TENM2: variants seen among roughly 807,000 people sequenced by gnomAD.
TENM2 encodes the protein teneurin transmembrane protein 2, also known as teneurin-2.
In TENM2, 52 loss-of-function variants were observed where a neutral mutation model predicts 245.2. The observed-to-expected ratio is 0.21, with a 90% CI of 0.17 to 0.27. TENM2 has a LOEUF of 0.27. Among genes scored for constraint, TENM2 ranks in the 10% least tolerant of loss-of-function variants. The pLI is 1.00. For synonymous variants in TENM2, 1,363 were observed against 1,438.9 expected (o/e 0.95, Z 1.19); for missense variants, 3,046 against 3,666.8 (o/e 0.83, Z 4.37).
chr5:167,079,333 GA>G, the TENM2 span, among the ~76,000 whole-genome samples: 1 of 148,798 alleles, frequency 6.7e-6, no homozygotes, highest in Admixed American at 6.7e-5. Flanking sequence ...ATATATTTGA[GA>G]CAGAGTTTTG....
intron 3 of TENM2, among the ~76,000 whole-genome samples, chr5:167,903,817 T>A (rs1365346493): frequency 1.3e-5 from 2 of 152,200 alleles, no homozygotes; most frequent in African/African-American, 4.8e-5. Context: ...AGCACATCAA[T>A]GTTGGCTAAG....
At chr5:167,946,686 G>A (rs1779652520) in intron 3 of TENM2, among the ~76,000 whole-genome samples, 1 of 152,124 alleles carries the variant, frequency 6.6e-6, no homozygotes, top group South Asian at 2.1e-4. Context: ...CAGCTGGGAG[G>A]GGAAGAGACC....
At chr5:167,508,786 C>T (rs1044425540) in intron 2 of TENM2, among the ~76,000 whole-genome samples, 2 of 152,034 alleles carry the variant, frequency 1.3e-5, no homozygotes, top group African/African-American at 2.4e-5. Context: ...TAATTAGAAC[C>T]TCAAGCTCAA....
At chr5:167,035,966 C>T in the TENM2 span, among the ~76,000 whole-genome samples, 3 of 152,338 alleles carry the variant, frequency 2.0e-5, no homozygotes. Context: ...TGGTCTCAAA[C>T]TCCTGACCTC....
chr5:168,055,691 G>A (rs1010479934), intron 6 of TENM2, among the ~76,000 whole-genome samples: 2 of 151,954 alleles, frequency 1.3e-5, no homozygotes, highest in Non-Finnish European at 2.9e-5. Context: ...CCCCGCAACT[G>A]AAAAAAAGTA....
At chr5:167,351,888 G>C (rs923892750) in intron 1 of TENM2, among the ~76,000 whole-genome samples, 2 of 151,942 alleles carry the variant, frequency 1.3e-5, no homozygotes, top group Non-Finnish European at 2.9e-5. Context: ...TCAAACCACT[G>C]GATGAAATTG....
chr5:167,508,479 G>A (rs2127565839), intron 2 of TENM2, among the ~76,000 whole-genome samples: 1 of 152,238 alleles, frequency 6.6e-6, no homozygotes, highest in South Asian at 2.1e-4. Flanking sequence ...AGATCCTGAT[G>A]GCTCCACATA....
chr5:167,727,367 C>T (rs932205435), intron 2 of TENM2, among the ~76,000 whole-genome samples: 4 of 152,208 alleles, frequency 2.6e-5, no homozygotes, highest in African/African-American at 9.6e-5. Context: ...CCGCCTCAGC[C>T]TCCCAGGGTG....
chr5:167,007,266 CAT>C, the TENM2 span, among the ~76,000 whole-genome samples: 2 of 152,230 alleles, frequency 1.3e-5, no homozygotes, highest in Admixed American at 1.3e-4. This position sits in a 1 kb window ranked among gnomAD's most constrained non-coding sequence, Gnocchi z 4.2. Context: ...CAAATATAAA[CAT>C]AAGTCCCAAA....
chr5:167,966,507 C>T (rs978724380), intron 4 of TENM2, among the ~76,000 whole-genome samples: 21 of 152,288 alleles, frequency 1.4e-4, no homozygotes, highest in Admixed American at 9.8e-4. Flanking sequence ...TTTAAAAACA[C>T]ACTTTTTGTC....
intron 2 of TENM2, among the ~76,000 whole-genome samples, chr5:167,807,124 TAAAA>T (rs1178739925): frequency 9.6e-4 from 47 of 49,074 alleles, no homozygotes; most frequent in South Asian, 3.8e-3. Flanking sequence ...GCCCCTAGGT[TAAAA>T]AAAAAAAAAA....
intron 2 of TENM2, among the ~76,000 whole-genome samples, chr5:167,750,651 A>G (rs533368450): frequency 6.6e-6 from 1 of 152,076 alleles, no homozygotes; most frequent in African/African-American, 2.4e-5. Flanking sequence ...GCCTTTTTGA[A>G]TATTAAACTC....
chr5:167,532,748 A>T (rs909273206), intron 2 of TENM2, among the ~76,000 whole-genome samples: 4 of 151,066 alleles, frequency 2.6e-5, no homozygotes, highest in Non-Finnish European at 4.4e-5. Flanking sequence ...ACACACCCAT[A>T]TATACACACA....
At chr5:167,816,760 A>G (rs2151017928) in intron 2 of TENM2, among the ~76,000 whole-genome samples, 1 of 152,346 alleles carries the variant, frequency 6.6e-6, no homozygotes, top group Non-Finnish European at 1.5e-5. Context: ...TGTGTTTTAT[A>G]ACAAGCATTC....
intron 12 of TENM2, among the ~76,000 whole-genome samples, chr5:168,144,257 G>A: frequency 6.6e-6 from 1 of 151,772 alleles, no homozygotes; most frequent in Admixed American, 6.6e-5. Context: ...GTATACATGT[G>A]GCATGCTGGT....
chr5:167,255,018 C>A, the TENM2 span, among the ~76,000 whole-genome samples: 1 of 151,114 alleles, frequency 6.6e-6, no homozygotes, highest in Non-Finnish European at 1.5e-5. Flanking sequence ...TAGATTTTAT[C>A]ATAAATGTGA....
chr5:167,824,288 C>G (rs1467511365), intron 2 of TENM2, among the ~76,000 whole-genome samples: 2 of 152,124 alleles, frequency 1.3e-5, no homozygotes, highest in African/African-American at 4.8e-5. Flanking sequence ...CTGCCACCAC[C>G]ACCAAGGATC....
intron 16 of TENM2, among the ~76,000 whole-genome samples, chr5:168,199,451 C>T (rs952768454): frequency 1.4e-4 from 22 of 152,154 alleles, no homozygotes; most frequent in African/African-American, 4.8e-4. Context: ...ATCGGTGTTA[C>T]GACAGAGGGC....
intron 2 of TENM2, among the ~76,000 whole-genome samples, chr5:167,453,431 C>T (rs1462834008): frequency 2.0e-5 from 3 of 152,016 alleles, no homozygotes; most frequent in African/African-American, 7.3e-5. Context: ...TGTCCCTTTC[C>T]CGGGATAGGA....
Sources: gnomAD v4.1 joint callset for allele counts (sites outside exome capture counted in the v4.1 genomes callset) on GRCh38, gnomAD v4.1.1 for gene constraint, Gnocchi (gnomAD v3.1) non-coding constraint, MANE v1.5 for transcripts, NCBI Gene and HGNC (gene_info 2026-07-23, HGNC 2026-07-21) for gene names.